PCDH15: variants seen among roughly 807,000 people sequenced by gnomAD.
PCDH15 encodes protocadherin-15.
A neutral mutation model predicts 178.5 loss-of-function variants in PCDH15; 129 were observed. The ratio of observed to expected loss-of-function variants is 0.72; its 90% CI spans 0.63 to 0.84. The LOEUF is 0.84. Among genes scored for constraint, PCDH15 ranks in the 40% least tolerant of loss-of-function variants. The pLI, the probability that PCDH15 is intolerant of heterozygous loss-of-function variation, is 0.00. For synonymous variants in PCDH15, 800 were observed against 732.0 expected (o/e 1.09, Z -1.50); for missense variants, 2,230 against 2,099.9 (o/e 1.06, Z -1.21).
At chr10:54,066,666 C>T (rs2094141909) in intron 18 of PCDH15, 91 bp downstream of exon 18, 13 of 1,309,910 alleles carry the variant, frequency 9.9e-6, no homozygotes, top group Non-Finnish European at 1.4e-5. Context: ...TAACAGATTA[C>T]ATTAGCTGAG....
chr10:54,375,873 GAAACGGA>G (rs1565118669), intron 4 of PCDH15, among the ~76,000 whole-genome samples: 1,996 of 121,790 alleles, frequency 0.016, 68 homozygotes, highest in African/African-American at 0.05. Flanking sequence ...ATATATTTTT[GAAACGGA>G]ATATATATAT....
chr10:55,204,822 A>G (rs1012731021), intron 1 of PCDH15, among the ~76,000 whole-genome samples: 5 of 152,136 alleles, frequency 3.3e-5, no homozygotes, highest in African/African-American at 1.2e-4. Flanking sequence ...CAACAGTTCT[A>G]CGTGGTGAGT....
At position 53,838,582 on chromosome 10, in the gene PCDH15, C is replaced by T. The variant is rs1179993602; in HGVS notation, c.3983+1738G>A. On this transcript the variant is annotated intron_variant, in intron 29 of 37. Coordinates refer to ENST00000644397, the MANE Select transcript of PCDH15 (RefSeq NM_001384140.1). ...TATTTTTATATTCAGGTAAAAACACCCTAAACTCAATCAATCGTGAAATTT... is the reference window on the plus strand; with the variant it reads ...TATTTTTATATTCAGGTAAAAACACTCTAAACTCAATCAATCGTGAAATTT... 2.6e-5 allele frequency among the ~76,000 whole-genome samples: 4 copies of T among 151,658 alleles called. No homozygotes were observed. In the East Asian group the frequency reaches 7.7e-4, roughly 29 times the overall value.
In PCDH15 at chr10:54,185,182, G is replaced by A; in HGVS notation, c.1392C>T (p.Thr464=). 1 of 1,613,664 alleles carries A rather than the reference G, an allele frequency of 6.2e-7. No homozygotes were observed. The highest frequency in any genetic ancestry group is 8.5e-7 in the Non-Finnish European group (1 of 1,179,696). The part of the protein sequence containing the change: ...VTQTGITRYL[T]LLQPVDREEQ... ...CTTCCCTGTCCACTGGTTGAAGTAA[G>A]GTGAGGTAGCGAGTAATACCAGTCT... The change falls in exon 12 of 38, where the codon ACC becomes ACT. Residue 464 remains threonine (T), a synonymous_variant. Transcript: ENST00000644397.
At chr10:54,238,002 G>A (rs2054809790) in intron 8 of PCDH15, among the ~76,000 whole-genome samples, 1 of 152,098 alleles carries the variant, frequency 6.6e-6, no homozygotes, top group Non-Finnish European at 1.5e-5. Flanking sequence ...TTAGAACACA[G>A]TTTGGGAAAC....
intron 2 of PCDH15, among the ~76,000 whole-genome samples, chr10:55,560,821 C>T (rs532727122): frequency 1.3e-5 from 2 of 151,248 alleles, no homozygotes; most frequent in African/African-American, 2.4e-5. Context: ...GATTTTTGGG[C>T]TATTAATAGA....
intron 16 of PCDH15, among the ~76,000 whole-genome samples, chr10:54,087,541 T>C (rs2094534161): frequency 6.6e-6 from 1 of 152,256 alleles, no homozygotes; most frequent in Admixed American, 6.5e-5. Context: ...TTTTGTTTAT[T>C]CCTTCCTCTG....
At chr10:54,262,721 G>T (rs963677066) in intron 8 of PCDH15, among the ~76,000 whole-genome samples, 1 of 152,018 alleles carries the variant, frequency 6.6e-6, no homozygotes. Context: ...TTCTCATGGG[G>T]CATGGGAGCT....
chr10:54,285,035 AAACTT>A, intron 8 of PCDH15, among the ~76,000 whole-genome samples: 1 of 152,188 alleles, frequency 6.6e-6, no homozygotes, highest in Non-Finnish European at 1.5e-5. Flanking sequence ...TGTTTCCAAG[AAACTT>A]AACTCAATAA....
At chr10:55,113,168 G>A (rs188622855) in intron 2 of PCDH15, among the ~76,000 whole-genome samples, 2 of 152,176 alleles carry the variant, frequency 1.3e-5, no homozygotes, top group African/African-American at 2.4e-5. Context: ...TTGGTATTTT[G>A]TTACAGCAGC....
intron 2 of PCDH15, among the ~76,000 whole-genome samples, chr10:55,480,919 T>A (rs906032239): frequency 6.6e-6 from 1 of 151,784 alleles, no homozygotes; most frequent in Admixed American, 6.6e-5. Flanking sequence ...TGGTACAGGA[T>A]CTTCTTAGTA....
intron 3 of PCDH15, among the ~76,000 whole-genome samples, chr10:54,852,411 G>T (rs1953638957): frequency 6.6e-6 from 1 of 152,068 alleles, no homozygotes; most frequent in Admixed American, 6.6e-5. Flanking sequence ...CTCTTAAAGA[G>T]GATATGAGAT....
At chr10:55,274,386 T>C (rs1392584563) in intron 1 of PCDH15, among the ~76,000 whole-genome samples, 1 of 152,052 alleles carries the variant, frequency 6.6e-6, no homozygotes. Context: ...CACATTTAAC[T>C]GAAGAGGAAA....
At chr10:54,501,729 ATGTGT>A in intron 3 of PCDH15, among the ~76,000 whole-genome samples, 1 of 152,204 alleles carries the variant, frequency 6.6e-6, no homozygotes, top group Middle Eastern at 3.4e-3. Context: ...TGAAAATTTG[ATGTGT>A]ATAATTCTCC....
chr10:54,081,528 G>A (rs1302947625), intron 16 of PCDH15, among the ~76,000 whole-genome samples: 1 of 152,082 alleles, frequency 6.6e-6, no homozygotes, highest in African/African-American at 2.4e-5. Context: ...AGGCAGTTGT[G>A]TGGTATATTT....
intron 2 of PCDH15, among the ~76,000 whole-genome samples, chr10:54,974,476 A>T (rs992159998): frequency 6.6e-6 from 1 of 151,804 alleles, no homozygotes; most frequent in East Asian, 1.9e-4. Flanking sequence ...ATATACATGA[A>T]CGTGTGTGTA....
rs1837744593 is a variant in PCDH15, at chr10:55,389,556, CA to C, written c.-155-222906del. 2.0e-5 allele frequency among the ~76,000 whole-genome samples: 3 copies of C among 152,042 alleles called. No homozygotes were observed. The South Asian group carries it at 6.2e-4, about 31-fold the overall frequency. On this transcript the variant is annotated intron_variant, in intron 2 of 5. Transcript: ENST00000613346. ...AAATAGAAATATGTGGAGTTGTTAACAGAAATTCTACAAAATATTCATATAT... is the reference window on the plus strand; with the variant it reads ...AAATAGAAATATGTGGAGTTGTTAACGAAATTCTACAAAATATTCATATAT...
intron 37 of PCDH15, chr10:53,808,845 C>T: frequency 6.2e-7 from 1 of 1,609,864 alleles, no homozygotes. Context: ...CTGATTCCTC[C>T]TCACTTTCCA....
chr10:54,450,641 T>C (rs1463603561), intron 3 of PCDH15, among the ~76,000 whole-genome samples: 4 of 151,624 alleles, frequency 2.6e-5, no homozygotes. Flanking sequence ...ATGAATGAGA[T>C]TTACAGAGAA....
Sources: gnomAD v4.1 joint callset for allele counts (sites outside exome capture counted in the v4.1 genomes callset) on GRCh38, gnomAD v4.1.1 for gene constraint, MANE v1.5 for transcripts, NCBI Gene and HGNC (gene_info 2026-07-23, HGNC 2026-07-21) for gene names.